Variants in DNAI1 observed in about 807,000 individuals in gnomAD.
DNAI1 encodes dynein, axonemal, intermediate polypeptide 1.
Under a neutral mutation model 92.0 loss-of-function variants are expected in DNAI1, and 67 were observed. The ratio of observed to expected loss-of-function variants is 0.73; its 90% CI spans 0.60 to 0.89. The LOEUF is 0.89. Ranked by LOEUF, DNAI1 falls within the 40% of genes least tolerant of loss-of-function variation. The probability of loss-of-function intolerance (pLI) is 0.00; values close to 1 mark genes in which losing one functional copy is unlikely to be tolerated. For synonymous variants in DNAI1, 323 were observed against 319.6 expected, an observed-to-expected ratio of 1.01 and a Z score of -0.11; for missense variants, 839 against 866.6, an observed-to-expected ratio of 0.97 and a Z score of 0.40.
chr9:34,511,289 A>G (rs1825060721), intron 13 of DNAI1, among the ~76,000 whole-genome samples: 1 of 152,234 alleles, frequency 6.6e-6, no homozygotes, highest in Admixed American at 6.5e-5. Flanking sequence ...CTGTCTCCAA[A>G]ACACTTTCCC....
intron 1 of DNAI1, 122 bp from the exon 2 acceptor site, chr9:34,483,326 A>C: frequency 1.1e-6 from 1 of 940,402 alleles, no homozygotes; most frequent in South Asian, 1.4e-5. Flanking sequence ...GACTGCCAGC[A>C]CGCTGTCACC....
chr9:34,491,331 A>G (rs1340953860), intron 7 of DNAI1, 164 bp from the exon 8 acceptor site: 2 of 722,380 alleles, frequency 2.8e-6, no homozygotes, highest in Admixed American at 4.1e-5. Context: ...TGGGCTTTGA[A>G]TGCATCATTC....
intron 13 of DNAI1, among the ~76,000 whole-genome samples, chr9:34,508,309 C>G (rs774426959): frequency 6.6e-6 from 1 of 152,198 alleles, no homozygotes; most frequent in Non-Finnish European, 1.5e-5. Flanking sequence ...GCCATGGTGC[C>G]CTCTCAGCTT....
Position 34,493,315 on chromosome 9 carries a change from C to T in DNAI1, c.803C>T (p.Ser268Phe), listed in dbSNP as rs1824648112. 3 of 1,614,078 alleles carry T rather than the reference C, an allele frequency of 1.9e-6. No homozygotes were observed. Among genetic ancestry groups the T allele is most frequent in the Non-Finnish European group, 2.5e-6 (3 of 1,179,932 alleles). ...SGKMAMRKLT[S>F]MESQTDDLIK... ...AAGATGGCCATGAGGAAGCTGACAT[C>T]TATGGAGTCTCAGGTTTGGTGTTAG... The change falls in exon 9 of 20, where the codon TCT becomes TTT. Residue 268 changes from serine (S) to phenylalanine (F), a missense_variant. Coordinates refer to ENST00000242317, the MANE Select transcript of DNAI1 (RefSeq NM_012144.4).
chr9:34,507,400 T>C (rs1373081278), intron 13 of DNAI1, among the ~76,000 whole-genome samples: 1 of 152,144 alleles, frequency 6.6e-6, no homozygotes, highest in Middle Eastern at 3.2e-3. Flanking sequence ...ATTAGGCAAG[T>C]AGAGAAAAGA....
At chr9:34,460,578 G>GGGCTTTACGTTGAATTTC (rs1554682275) in intron 1 of DNAI1, among the ~76,000 whole-genome samples, 2 of 152,036 alleles carry the variant, frequency 1.3e-5, no homozygotes, top group Non-Finnish European at 2.9e-5. Context: ...TGTTGGGGTT[G>GGGCTTTACGTTGAATTTC]GGCTTTACGT....
chr9:34,497,454 A>G (rs569732505), intron 10 of DNAI1, among the ~76,000 whole-genome samples: 9 of 152,242 alleles, frequency 5.9e-5, no homozygotes, highest in Non-Finnish European at 1.3e-4. Context: ...GGGTGATCCA[A>G]TCTCATCTTC....
chr9:34,464,985 T>G (rs995565318), intron 1 of DNAI1, among the ~76,000 whole-genome samples: 1 of 152,170 alleles, frequency 6.6e-6, no homozygotes. Context: ...GGAAAAATAA[T>G]ATCCCAGAAG....
At chr9:34,465,767 C>T (rs1824027712) in intron 1 of DNAI1, among the ~76,000 whole-genome samples, 1 of 152,204 alleles carries the variant, frequency 6.6e-6, no homozygotes. Flanking sequence ...CTCTCTGGCT[C>T]CAGCTGTGAG....
chr9:34,478,287 T>C (rs555829900), intron 1 of DNAI1, among the ~76,000 whole-genome samples: 13 of 152,114 alleles, frequency 8.5e-5, no homozygotes, highest in Non-Finnish European at 1.8e-4. Flanking sequence ...ATAAGAGCAT[T>C]CAAGGGGAGG....
intron 12 of DNAI1, among the ~76,000 whole-genome samples, chr9:34,505,688 C>T (rs1005859319): frequency 2.6e-5 from 4 of 152,226 alleles, no homozygotes; most frequent in African/African-American, 7.2e-5. Context: ...AGCCTGCTGT[C>T]AGTGGCTGGC....
At chr9:34,468,887 AAAT>A (rs1288264179) in intron 1 of DNAI1, among the ~76,000 whole-genome samples, 5 of 151,974 alleles carry the variant, frequency 3.3e-5, no homozygotes, top group Non-Finnish European at 7.4e-5. Flanking sequence ...CTCCACTAAA[AAAT>A]AATAATAATA....
chr9:34,479,146 G>C (rs1404213333), intron 1 of DNAI1, among the ~76,000 whole-genome samples: 1 of 152,202 alleles, frequency 6.6e-6, no homozygotes, highest in East Asian at 1.9e-4. Flanking sequence ...GAAAACACAG[G>C]CCAGGCCCAG....
intron 16 of DNAI1, 108 bp from the exon 17 acceptor site, chr9:34,514,286 G>A (rs1236323358): frequency 3.8e-5 from 54 of 1,433,998 alleles, no homozygotes; most frequent in Middle Eastern, 2.0e-4. Context: ...GCTGGGATGC[G>A]ATGTGGGTTA....
Position 34,481,192 on chromosome 9 carries a change from G to A in DNAI1, c.49-2256G>A, listed in dbSNP as rs367951289. Among the ~76,000 whole-genome samples, 481 of 152,380 alleles carry A rather than the reference G, an allele frequency of 3.2e-3. 4 individuals are homozygous for A. The highest frequency in any genetic ancestry group is 0.017 in the South Asian group (82 of 4,832). ...CAGAAGGCAGAGGTTGCAGTGACCC[G>A]AGATTGTGCCACTGCACTCCAGCCT... On this transcript the variant is annotated intron_variant, in intron 1 of 19. Transcript: ENST00000242317.
intron 1 of DNAI1, among the ~76,000 whole-genome samples, chr9:34,460,832 T>A (rs1458430958): frequency 1.3e-5 from 2 of 151,730 alleles, no homozygotes; most frequent in Admixed American, 6.6e-5. Flanking sequence ...CTAATTTTTT[T>A]TTATTATTTT....
chr9:34,498,295 G>A (rs375277801), intron 10 of DNAI1, among the ~76,000 whole-genome samples: 24 of 152,324 alleles, frequency 1.6e-4, no homozygotes, highest in African/African-American at 3.4e-4. Context: ...CACACTGTGA[G>A]GTGAATACCA....
intron 1 of DNAI1, among the ~76,000 whole-genome samples, chr9:34,478,068 G>A (rs1408588629): frequency 6.6e-6 from 1 of 151,178 alleles, no homozygotes; most frequent in Non-Finnish European, 1.5e-5. Flanking sequence ...TGTATTTTTA[G>A]TAGAGATAGG....
At chr9:34,502,520 C>T (rs1330055214) in intron 12 of DNAI1, among the ~76,000 whole-genome samples, 1 of 152,104 alleles carries the variant, frequency 6.6e-6, no homozygotes, top group East Asian at 1.9e-4. Context: ...GAAACTGCTT[C>T]AGTTTTAGCG....
Sources: allele counts gnomAD v4.1 joint callset (sites outside exome capture counted in the v4.1 genomes callset), GRCh38; gene constraint gnomAD v4.1.1; transcripts MANE v1.5; gene names NCBI Gene and HGNC (gene_info 2026-07-23, HGNC 2026-07-21).